Variants in CCDC66 observed in about 807,000 individuals in gnomAD.
CCDC66 encodes the protein coiled-coil domain containing 66, also known as coiled-coil domain-containing protein 66.
In CCDC66, 133 loss-of-function variants were observed where a neutral mutation model predicts 128.3. The observed-to-expected ratio is 1.04, with a 90% CI of 0.90 to 1.20. The LOEUF is 1.20. Ranked by LOEUF, CCDC66 falls within the 50% of genes most tolerant of loss-of-function variation. The pLI, the probability that CCDC66 is intolerant of heterozygous loss-of-function variation, is 0.00. For missense variants in CCDC66, 1,126 were observed against 1,075.5 expected (o/e 1.05, Z -0.66); for synonymous variants, 387 against 357.0 (o/e 1.08, Z -0.95).
rs2071383460 is a variant in CCDC66 at position 56,593,921 on chromosome 3, A to T, written c.1320-23A>T. ...AATCTACCTTTTTGAGGTTTTGAAT[A>T]GCTAATGTATGTATCTTGCCAGCTT... On this transcript the variant is annotated intron_variant, in intron 9 of 17. Coordinates refer to ENST00000394672, the MANE Select transcript of CCDC66 (RefSeq NM_001141947.3). 3 of 1,611,528 alleles carry T rather than the reference A, an allele frequency of 1.9e-6. No homozygotes were observed. The South Asian group carries it at 3.3e-5, about 18-fold the overall frequency.
chr3:56,604,754 G>T (rs2073812842), intron 10 of CCDC66, among the ~76,000 whole-genome samples: 1 of 151,900 alleles, frequency 6.6e-6, no homozygotes, highest in African/African-American at 2.4e-5. Flanking sequence ...TGATGATTAT[G>T]TGTCTTTGGG....
rs143074074 is a variant in CCDC66 at position 56,575,093 on chromosome 3, G to A, written c.936+3791G>A. Among the ~76,000 whole-genome samples, 432 of 151,786 alleles carry A rather than the reference G, an allele frequency of 2.8e-3. 6 individuals are homozygous for A. The highest frequency in any genetic ancestry group is 0.01 in the African/African-American group (418 of 41,500). On this transcript the variant is annotated intron_variant, in intron 7 of 17. Transcript: ENST00000394672. ...TTGCAGGATTGTGTGGTAATTTTTT[G>A]TTTAATTTTTATGTTAAATTTTTAC...
chr3:56,578,552 A>G (rs568007522), intron 7 of CCDC66, among the ~76,000 whole-genome samples: 5 of 151,918 alleles, frequency 3.3e-5, no homozygotes, highest in African/African-American at 7.2e-5. Context: ...GGTTTGTCAT[A>G]AGTAGCTCTT....
chr3:56,560,310 ATCT>A (rs1426569551), intron 3 of CCDC66, among the ~76,000 whole-genome samples: 14 of 152,180 alleles, frequency 9.2e-5, no homozygotes, highest in Admixed American at 5.2e-4. Flanking sequence ...ATGGCTGCAG[ATCT>A]TCCTCCTCCA....
intron 10 of CCDC66, among the ~76,000 whole-genome samples, chr3:56,609,943 C>T (rs1394145517): frequency 1.3e-5 from 2 of 152,308 alleles, no homozygotes; most frequent in East Asian, 1.9e-4. Context: ...GAGAAATCTG[C>T]TGTTAATCTG....
intron 7 of CCDC66, among the ~76,000 whole-genome samples, chr3:56,588,501 A>G (rs991762610): frequency 1.3e-5 from 2 of 152,214 alleles, no homozygotes; most frequent in African/African-American, 2.4e-5. Flanking sequence ...ATTACTTTCA[A>G]TGGCAAAAAC....
At chr3:56,581,851 A>G (rs564860014) in intron 7 of CCDC66, among the ~76,000 whole-genome samples, 37 of 151,722 alleles carry the variant, frequency 2.4e-4, no homozygotes, top group African/African-American at 8.2e-4. Flanking sequence ...CAGTTAGGCT[A>G]CTCGGTGGTT....
At chr3:56,561,604 T>G (rs2065108804) in intron 3 of CCDC66, among the ~76,000 whole-genome samples, 1 of 152,210 alleles carries the variant, frequency 6.6e-6, no homozygotes, top group Admixed American at 6.5e-5. Context: ...TAAGTTTCCC[T>G]TCTGTATTGA....
chr3:56,571,653 C>T (rs1433382251), intron 7 of CCDC66, among the ~76,000 whole-genome samples: 2 of 152,170 alleles, frequency 1.3e-5, no homozygotes, highest in Non-Finnish European at 2.9e-5. Flanking sequence ...GCTGGGATTA[C>T]AGGCATGAGC....
At chr3:56,606,854 A>G (rs957079209) in intron 10 of CCDC66, among the ~76,000 whole-genome samples, 6 of 152,042 alleles carry the variant, frequency 3.9e-5, no homozygotes, top group South Asian at 2.1e-4. Flanking sequence ...TCATTCTCCT[A>G]TATGTGGCTA....
intron 7 of CCDC66, chr3:56,572,344 A>G (rs2066748428): frequency 1.6e-6 from 2 of 1,288,950 alleles, no homozygotes; most frequent in African/African-American, 1.5e-5. Flanking sequence ...TAGCTCTTCA[A>G]GCATTCTATC....
Position 56,617,737 on chromosome 3 carries a change from G to T in CCDC66, c.2337+132G>T, listed in dbSNP as rs952787369. The stretch of plus-strand genomic sequence containing the variant: ...TAGGGATCAGCAAACTATATCCCAT[G>T]GGCAAATCCAGGCTGCTGCCTGTTT... On this transcript the variant is annotated intron_variant, in intron 14 of 17. Coordinates refer to ENST00000394672, the MANE Select transcript of CCDC66 (RefSeq NM_001141947.3). 7.1e-6 allele frequency: 8 copies of T among 1,129,080 alleles called. No individual in the cohort carries two copies. The African/African-American group carries it at 9.4e-5, about 13-fold the overall frequency. 69.9% of individuals were successfully genotyped at this position (1,129,080 alleles called of 1,614,324 possible).
chr3:56,579,000 T>C (rs2067867071), intron 7 of CCDC66, among the ~76,000 whole-genome samples: 1 of 151,908 alleles, frequency 6.6e-6, no homozygotes, highest in Non-Finnish European at 1.5e-5. Context: ...AGCTCCTCTT[T>C]ATACCTCTGG....
intron 17 of CCDC66, 189 bp from the exon 18 acceptor site, chr3:56,621,343 A>ATCTTTT: frequency 5.0e-6 from 2 of 401,064 alleles, no homozygotes; most frequent in Non-Finnish European, 8.9e-6. Context: ...TAAAAACAGA[A>ATCTTTT]TCTTACAAAT....
chr3:56,573,101 G>T (rs974689350), intron 7 of CCDC66, among the ~76,000 whole-genome samples: 5 of 152,138 alleles, frequency 3.3e-5, no homozygotes, highest in Non-Finnish European at 7.3e-5. Context: ...AATAATTTCA[G>T]TTGCCAAATT....
intron 3 of CCDC66, chr3:56,563,366 A>G (rs534391661): frequency 4.1e-5 from 8 of 196,286 alleles, no homozygotes; most frequent in Non-Finnish European, 6.8e-5. Context: ...GTGTCAAAAA[A>G]AAGTAGTTAA....
intron 7 of CCDC66, among the ~76,000 whole-genome samples, chr3:56,586,051 A>G (rs1228084737): frequency 6.6e-6 from 1 of 151,952 alleles, no homozygotes; most frequent in Non-Finnish European, 1.5e-5. Flanking sequence ...CACAAAAAGC[A>G]GAATGGTGGT....
At position 56,615,117 on chromosome 3, in the gene CCDC66, A is replaced by G; in HGVS notation, c.1567-11A>G. On this transcript the variant is annotated splice_polypyrimidine_tract_variant and intron_variant, in intron 11 of 17. Coordinates refer to ENST00000394672, the MANE Select transcript of CCDC66 (RefSeq NM_001141947.3). The stretch of plus-strand genomic sequence containing the variant: ...TAATAGATGAATTTAGTAACACATC[A>G]ATATTGACAGGAAATCATGACTCTC... The G allele has an allele frequency of 6.2e-7, 1 of 1,612,158 alleles. No homozygotes were observed. Among genetic ancestry groups the G allele is most frequent in the Non-Finnish European group, 8.5e-7 (1 of 1,179,140 alleles).
intron 16 of CCDC66, 123 bp downstream of exon 16, chr3:56,619,650 T>G: frequency 4.7e-6 from 7 of 1,483,198 alleles, no homozygotes; most frequent in Non-Finnish European, 6.3e-6. Flanking sequence ...GAATATGTCT[T>G]AAATTTTTCT....
Sources: gnomAD v4.1 joint callset for allele counts (sites outside exome capture counted in the v4.1 genomes callset) on GRCh38, gnomAD v4.1.1 for gene constraint, MANE v1.5 for transcripts, NCBI Gene and HGNC (gene_info 2026-07-23, HGNC 2026-07-21) for gene names.